Variants in FAM13C observed in about 807,000 individuals in gnomAD.
The protein encoded by FAM13C is family with sequence similarity 13 member C.
A neutral mutation model predicts 73.2 loss-of-function variants in FAM13C; 37 were observed. The observed-to-expected ratio is 0.51, with a 90% CI of 0.39 to 0.67. The LOEUF is 0.67. Among genes scored for constraint, FAM13C ranks in the 30% least tolerant of loss-of-function variants. The pLI, the probability that FAM13C is intolerant of heterozygous loss-of-function variation, is 0.00. For missense variants in FAM13C, 589 were observed against 715.6 expected, an observed-to-expected ratio of 0.82 and a Z score of 2.02; for synonymous variants, 246 against 260.9, an observed-to-expected ratio of 0.94 and a Z score of 0.55.
intron 4 of FAM13C, among the ~76,000 whole-genome samples, chr10:59,320,510 G>A (rs745928481): frequency 1.3e-5 from 2 of 152,150 alleles, no homozygotes; most frequent in Non-Finnish European, 2.9e-5. Context: ...ATTAGGACAA[G>A]GGTTCTGTTA....
chr10:59,290,525 C>T (rs1321549584), intron 5 of FAM13C, among the ~76,000 whole-genome samples: 1 of 152,122 alleles, frequency 6.6e-6, no homozygotes. Flanking sequence ...CCTTCCTTTC[C>T]ATCTGCTGAT....
chr10:59,359,697 C>T (rs974863844), intron 1 of FAM13C, among the ~76,000 whole-genome samples: 1 of 152,234 alleles, frequency 6.6e-6, no homozygotes, highest in Non-Finnish European at 1.5e-5. Context: ...ACATTTAACA[C>T]TGACCTAAAG....
chr10:59,307,526 G>A (rs1375831686), intron 4 of FAM13C, among the ~76,000 whole-genome samples: 1 of 152,110 alleles, frequency 6.6e-6, no homozygotes, highest in Non-Finnish European at 1.5e-5. Context: ...CACCTAATAG[G>A]AGAAAGGGTA....
intron 4 of FAM13C, among the ~76,000 whole-genome samples, chr10:59,317,262 A>T (rs144494602): frequency 6.6e-6 from 1 of 152,114 alleles, no homozygotes; most frequent in Non-Finnish European, 1.5e-5. Context: ...TAAGTTAAAG[A>T]TTAGCCCCAT....
In FAM13C at chr10:59,247,413, G is replaced by T. The variant is rs994779145; in HGVS notation, c.*201C>A. The T allele has an allele frequency of 5.2e-6, 3 of 571,872 alleles. No individual in the cohort carries two copies. The highest frequency in any genetic ancestry group is 1.9e-5 in the African/African-American group (1 of 51,312). 35.4% of individuals were successfully genotyped at this position (571,872 alleles called of 1,614,324 possible). A position where few individuals can be genotyped will look rare whatever the true frequency, so the allele number is the denominator to read the frequency against. On this transcript the variant is annotated 3_prime_UTR_variant, in exon 14 of 14. Coordinates refer to ENST00000618804, the MANE Select transcript of FAM13C (RefSeq NM_198215.4). Reference sequence around the variant, plus strand: ...CACTGAATTTTTTCCCAATTATATGGCTACCTGTTGTATTCTTCCCCCCGT... The same window carrying T: ...CACTGAATTTTTTCCCAATTATATGTCTACCTGTTGTATTCTTCCCCCCGT...
At chr10:59,320,204 C>T (rs1589596763) in intron 4 of FAM13C, among the ~76,000 whole-genome samples, 1 of 152,182 alleles carries the variant, frequency 6.6e-6, no homozygotes, top group Admixed American at 6.5e-5. Context: ...CCTTTAGACT[C>T]TTCCAAAGAA....
intron 1 of FAM13C, chr10:59,361,169 G>A: frequency 8.9e-7 from 1 of 1,126,714 alleles, no homozygotes; most frequent in Non-Finnish European, 1.2e-6. Flanking sequence ...CAGAATGTGG[G>A]TCCAAATGAG....
intron 3 of FAM13C, among the ~76,000 whole-genome samples, chr10:59,349,676 T>C (rs541695287): frequency 1.1e-3 from 174 of 152,016 alleles, no homozygotes; most frequent in South Asian, 2.5e-3. Context: ...GGCAGGAGGA[T>C]CCCTTGAGCC....
intron 8 of FAM13C, among the ~76,000 whole-genome samples, chr10:59,267,726 A>G (rs1329808223): frequency 6.6e-6 from 1 of 152,182 alleles, no homozygotes; most frequent in East Asian, 1.9e-4. Context: ...TTGCCTCTGT[A>G]CCAAGTGTTT....
chr10:59,299,206 C>G (rs1316967876), intron 5 of FAM13C, among the ~76,000 whole-genome samples: 1 of 152,054 alleles, frequency 6.6e-6, no homozygotes, highest in African/African-American at 2.4e-5. Context: ...CAAAACATCA[C>G]ATTGTATCCC....
chr10:59,296,007 A>G (rs1212124182), intron 5 of FAM13C, among the ~76,000 whole-genome samples: 2 of 152,286 alleles, frequency 1.3e-5, no homozygotes, highest in Non-Finnish European at 2.9e-5. Context: ...CTCAATCCCA[A>G]ACTAAGGCCT....
At position 59,247,629 on chromosome 10, in the gene FAM13C, C is replaced by G; in HGVS notation, c.1743G>C (p.Val581=). 1 of 1,613,224 alleles carries G rather than the reference C, an allele frequency of 6.2e-7. No homozygotes were observed. The change falls in exon 14 of 14, where the codon GTG becomes GTC. Residue 581 remains valine, a synonymous_variant. Transcript: ENST00000618804. ...LLEVLISKQD[V]AKTI ...TTCCTGAACCTCAAATAGTTTTGGCCACATCTTGCTTGCTGATGAGGACCT... is the reference window on the plus strand; with the variant it reads ...TTCCTGAACCTCAAATAGTTTTGGCGACATCTTGCTTGCTGATGAGGACCT...
At chr10:59,294,266 T>G (rs2133803961) in intron 5 of FAM13C, among the ~76,000 whole-genome samples, 1 of 152,310 alleles carries the variant, frequency 6.6e-6, no homozygotes, top group South Asian at 2.1e-4. Context: ...AAATTAGTAG[T>G]ATGAAGAGAT....
intron 3 of FAM13C, among the ~76,000 whole-genome samples, chr10:59,347,980 A>C (rs766852284): frequency 6.6e-6 from 1 of 152,202 alleles, no homozygotes; most frequent in Non-Finnish European, 1.5e-5. Flanking sequence ...TAGTGCTGCA[A>C]TAAACATACG....
intron 4 of FAM13C, among the ~76,000 whole-genome samples, chr10:59,310,668 A>G (rs1290729286): frequency 6.6e-6 from 1 of 152,170 alleles, no homozygotes; most frequent in Non-Finnish European, 1.5e-5. Context: ...TGACTTCCCA[A>G]CCCATGTATC....
chr10:59,305,759 C>T (rs1848177251), intron 4 of FAM13C, among the ~76,000 whole-genome samples: 2 of 152,210 alleles, frequency 1.3e-5, no homozygotes, highest in Admixed American at 1.3e-4. Context: ...ACCAGCATTT[C>T]CCTCCTGGGT....
intron 4 of FAM13C, among the ~76,000 whole-genome samples, chr10:59,321,960 A>G (rs2134012758): frequency 6.6e-6 from 1 of 152,282 alleles, no homozygotes; most frequent in Admixed American, 6.5e-5. Context: ...ACAACTGCTG[A>G]GACTTAGCCT....
chr10:59,249,230 C>CT (rs1841075419), intron 13 of FAM13C, among the ~76,000 whole-genome samples: 1 of 152,092 alleles, frequency 6.6e-6, no homozygotes, highest in East Asian at 1.9e-4. Flanking sequence ...TGGTGAAACC[C>CT]TGTCTCTACT....
chr10:59,329,899 G>T (rs1851741769), intron 3 of FAM13C, among the ~76,000 whole-genome samples: 1 of 152,168 alleles, frequency 6.6e-6, no homozygotes, highest in Non-Finnish European at 1.5e-5. Context: ...TGAGAAAAAT[G>T]AAGTGAAGAA....
Sources: gnomAD v4.1 joint callset for allele counts (sites outside exome capture counted in the v4.1 genomes callset) on GRCh38, gnomAD v4.1.1 for gene constraint, MANE v1.5 for transcripts, NCBI Gene and HGNC (gene_info 2026-07-23, HGNC 2026-07-21) for gene names.